The following ZNF713 variants were observed in gnomAD, a reference collection of about 807,000 sequenced individuals.
The protein encoded by ZNF713 is zinc finger protein 713.
A neutral mutation model predicts 28.7 loss-of-function variants in ZNF713; 21 were observed. That is an observed-to-expected ratio of 0.73 (90% CI 0.52 to 1.05). The LOEUF is 1.05. Ranked by LOEUF, ZNF713 falls within the 50% of genes least tolerant of loss-of-function variation. The pLI is 0.00. For synonymous variants in ZNF713, 167 were observed against 178.0 expected (o/e 0.94, Z 0.49); for missense variants, 458 against 532.4 (o/e 0.86, Z 1.37).
chr7:55,902,962 C>T (rs932150345), intron 1 of ZNF713, among the ~76,000 whole-genome samples: 6 of 141,676 alleles, frequency 4.2e-5, no homozygotes, highest in African/African-American at 1.6e-4. Flanking sequence ...CATTGCACTC[C>T]AGCCTGGACA....
At chr7:55,894,883 C>A (rs1238876536) in intron 1 of ZNF713, among the ~76,000 whole-genome samples, 1 of 152,042 alleles carries the variant, frequency 6.6e-6, no homozygotes, top group African/African-American at 2.4e-5. Flanking sequence ...ATGTAGATTT[C>A]TGAAAAGAAA....
intron 1 of ZNF713, among the ~76,000 whole-genome samples, chr7:55,898,393 A>C (rs1584297431): frequency 6.6e-6 from 1 of 152,228 alleles, no homozygotes; most frequent in Non-Finnish European, 1.5e-5. Flanking sequence ...TGAGTAATTT[A>C]TGAAGAAAAG....
chr7:55,887,579 CCT>C lies in ZNF713; in HGVS notation c.-683_-682del, dbSNP rs1356279542. ...GGCTCAGGCTGCGGGGCCCTCGGCACCTTCTCCCTCCCGGGTCCACCGCGGCG... is the reference window on the plus strand; with the variant it reads ...GGCTCAGGCTGCGGGGCCCTCGGCACTCTCCCTCCCGGGTCCACCGCGGCG... On this transcript the variant is annotated 5_prime_UTR_variant, in exon 1 of 7. Transcript: ENST00000429591. 2.7e-5 allele frequency: 5 copies of C among 186,208 alleles called. No homozygotes were observed. Among genetic ancestry groups the C allele is most frequent in the Non-Finnish European group, 2.1e-5 (2 of 94,784 alleles). 11.5% of individuals were successfully genotyped at this position (186,208 alleles called of 1,614,324 possible). A position where few individuals can be genotyped will look rare whatever the true frequency, so the allele number is the denominator to read the frequency against.
chr7:55,939,384 ATAGT>A lies in ZNF713; in HGVS notation c.711_714del (p.Tyr237Ter), dbSNP rs777456003. Reference sequence around the variant, plus strand: ...TATGTAAGAGAGACTCCCTATGAATATAGTGAGTGTGGAAAAATCTTCAATCAAC... The same window carrying A: ...TATGTAAGAGAGACTCCCTATGAATAGAGTGTGGAAAAATCTTCAATCAAC... On this transcript the variant is annotated frameshift_variant, in exon 7 of 7. Coordinates refer to ENST00000429591, the MANE Select transcript of ZNF713 (RefSeq NM_182633.3). LOFTEE classifies it high-confidence loss of function. The A allele has an allele frequency of 6.2e-7, 1 of 1,613,960 alleles. No individual in the cohort carries two copies.
intron 1 of ZNF713, among the ~76,000 whole-genome samples, chr7:55,895,984 A>T (rs1732437116): frequency 6.6e-6 from 1 of 152,064 alleles, no homozygotes; most frequent in African/African-American, 2.4e-5. Flanking sequence ...ATTCTGACCT[A>T]CCTTACTGTA....
At chr7:55,935,900 A>C (rs2116270272) in intron 6 of ZNF713, among the ~76,000 whole-genome samples, 1 of 152,076 alleles carries the variant, frequency 6.6e-6, no homozygotes, top group East Asian at 1.9e-4. Context: ...GCTTGCAATG[A>C]GCCGAGATCA....
At position 55,941,489 on chromosome 7, in the gene ZNF713, G is replaced by A. The variant is rs1013094571; in HGVS notation, c.*1483G>A. ...AAAAGTAAAATTTAAAAATAAAGGCGATGCTGTAGTGCAGCCAGTCACATT... is the reference window on the plus strand; with the variant it reads ...AAAAGTAAAATTTAAAAATAAAGGCAATGCTGTAGTGCAGCCAGTCACATT... On this transcript the variant is annotated 3_prime_UTR_variant, in exon 7 of 7. Transcript: ENST00000429591. The A allele has an allele frequency of 3.3e-5, 5 of 151,124 alleles. No individual in the cohort carries two copies. The highest frequency in any genetic ancestry group is 7.3e-5 in the African/African-American group (3 of 41,146). 9.4% of individuals were successfully genotyped at this position (151,124 alleles called of 1,614,324 possible). A position where few individuals can be genotyped will look rare whatever the true frequency, so the allele number is the denominator to read the frequency against.
chr7:55,923,791 G>C, intron 6 of ZNF713, 92 bp downstream of exon 6: 1 of 937,204 alleles, frequency 1.1e-6, no homozygotes, highest in South Asian at 1.6e-5. Flanking sequence ...CTCCCTCTGG[G>C]ATATAAGGAA....
Position 55,939,844 on chromosome 7 carries a change from A to G in ZNF713, c.1170A>G (p.Arg390=). 2 of 1,614,198 alleles carry G rather than the reference A, an allele frequency of 1.2e-6. No individual in the cohort carries two copies. The highest frequency in any genetic ancestry group is 1.7e-6 in the Non-Finnish European group (2 of 1,180,040). The part of the protein sequence containing the change: ...SQRTHLNQHE[R]THTGEKPYKC... ...GGACACATCTGAATCAACATGAAAG[A>G]ACTCATACAGGAGAGAAACCCTATA... Residue 390 remains arginine (R), a synonymous_variant, in exon 7 of 7, where the codon AGA becomes AGG. Transcript: ENST00000429591.
chr7:55,913,360 C>G (rs1461485284), intron 4 of ZNF713, among the ~76,000 whole-genome samples: 1 of 151,918 alleles, frequency 6.6e-6, no homozygotes, highest in Admixed American at 6.6e-5. Flanking sequence ...CACCACCACG[C>G]CCGGCCAATT....
chr7:55,892,887 A>AG (rs1318445479), intron 1 of ZNF713, among the ~76,000 whole-genome samples: 2 of 151,168 alleles, frequency 1.3e-5, no homozygotes, highest in Non-Finnish European at 2.9e-5. Context: ...AAAAAAAAAA[A>AG]AGGCGGAGTA....
chr7:55,922,437 C>G (rs916511954), intron 4 of ZNF713, among the ~76,000 whole-genome samples: 5 of 151,542 alleles, frequency 3.3e-5, no homozygotes, highest in African/African-American at 1.2e-4. Context: ...ACTCAGGAGG[C>G]TGAGGCAGGA....
At chr7:55,901,799 C>A (rs983668878) in intron 1 of ZNF713, among the ~76,000 whole-genome samples, 2 of 152,268 alleles carry the variant, frequency 1.3e-5, no homozygotes, top group African/African-American at 4.8e-5. Flanking sequence ...TATGATTTCA[C>A]TGCAGCCATA....
intron 6 of ZNF713, among the ~76,000 whole-genome samples, chr7:55,925,380 T>A (rs544997354): frequency 3.9e-5 from 6 of 152,118 alleles, no homozygotes; most frequent in Non-Finnish European, 7.4e-5. Flanking sequence ...CTCAACACTT[T>A]GGGAGGCCGA....
Position 55,937,744 on chromosome 7 carries a change from A to G in ZNF713, c.308-1238A>G, listed in dbSNP as rs114877168. Among the ~76,000 whole-genome samples, 1,311 of 152,182 alleles carry G rather than the reference A, an allele frequency of 8.6e-3. 21 individuals carry two copies. Among genetic ancestry groups the G allele is most frequent in the African/African-American group, 0.03 (1,250 of 41,504 alleles). ...GTAGTGAGACCCCGTCTCTAAAAAA[A>G]AAAAATCAAAATATTAGTCAGGCAT... On this transcript the variant is annotated intron_variant, in intron 6 of 6. Coordinates refer to ENST00000429591, the MANE Select transcript of ZNF713 (RefSeq NM_182633.3).
Position 55,940,417 on chromosome 7 carries a change from C to A in ZNF713, c.*411C>A. 1 of 989,376 alleles carries A rather than the reference C, an allele frequency of 1.0e-6. No homozygotes were observed. The highest frequency in any genetic ancestry group is 1.2e-6 in the Non-Finnish European group (1 of 832,612). 61.3% of individuals were successfully genotyped at this position (989,376 alleles called of 1,614,324 possible). On this transcript the variant is annotated 3_prime_UTR_variant, in exon 7 of 7. Coordinates refer to ENST00000429591, the MANE Select transcript of ZNF713 (RefSeq NM_182633.3). ...GGGATTACAGGCGTGGGCCACTGCG[C>A]CTGGCCATAAACTTTCAATGCGTAG... is the stretch of plus-strand genomic sequence containing the variant.
At chr7:55,919,507 T>TTG (rs1562743570) in intron 4 of ZNF713, among the ~76,000 whole-genome samples, 2 of 62,728 alleles carry the variant, frequency 3.2e-5, no homozygotes, top group African/African-American at 7.5e-5. Context: ...TTTTTTTTTT[T>TTG]TTTTTTTTTT....
intron 6 of ZNF713, among the ~76,000 whole-genome samples, chr7:55,934,624 C>G (rs1267258116): frequency 6.6e-6 from 1 of 152,022 alleles, no homozygotes; most frequent in Non-Finnish European, 1.5e-5. Context: ...CTCACCTCAG[C>G]CTCCCTAATA....
rs1785298536 is a variant in ZNF713 at position 55,887,855 on chromosome 7, GGGCGGCGGGC to G, written c.-583+184_-583+193del. Among the ~76,000 whole-genome samples the G allele has an allele frequency of 1.4e-4, 2 of 13,822 alleles. 1 individual carries two copies. Among genetic ancestry groups the G allele is most frequent in the South Asian group, 4.8e-3 (2 of 420 alleles). 9.1% of individuals were successfully genotyped at this position (13,822 alleles called of 152,430 possible). A position where few individuals can be genotyped will look rare whatever the true frequency, so the allele number is the denominator to read the frequency against. ...GCGGGCGGCGGGCGGCGGCGGCGGC[GGGCGGCGGGC>G]GGCGGCGGCGGCGGCGGCGGCGGGC... is the stretch of plus-strand genomic sequence containing the variant. On this transcript the variant is annotated intron_variant, in intron 1 of 6. Coordinates refer to ENST00000429591, the MANE Select transcript of ZNF713 (RefSeq NM_182633.3).
Sources: gnomAD v4.1 joint callset for allele counts (sites outside exome capture counted in the v4.1 genomes callset) on GRCh38, gnomAD v4.1.1 for gene constraint, MANE v1.5 for transcripts, NCBI Gene and HGNC (gene_info 2026-07-23, HGNC 2026-07-21) for gene names.